LARP4: variants seen among roughly 807,000 people sequenced by gnomAD.
The protein encoded by LARP4 is la-related protein 4.
A neutral mutation model predicts 92.9 loss-of-function variants in LARP4; 29 were observed. The observed-to-expected ratio is 0.31, with a 90% CI of 0.23 to 0.43. The LOEUF (loss-of-function observed/expected upper bound fraction) is 0.43. LARP4 is among the 20% of genes least tolerant of loss of function. The pLI is 1.00. For missense variants in LARP4, 732 were observed against 860.0 expected, an observed-to-expected ratio of 0.85 and a Z score of 1.86; for synonymous variants, 279 against 284.1, an observed-to-expected ratio of 0.98 and a Z score of 0.18.
chr12:50,470,064 A>T (rs890524092), intron 13 of LARP4, among the ~76,000 whole-genome samples: 1 of 144,876 alleles, frequency 6.9e-6, no homozygotes, highest in African/African-American at 2.5e-5. Flanking sequence ...TACATAAAGT[A>T]AAAAAAAAAA....
Position 50,477,501 on chromosome 12 carries a change from G to A in LARP4, c.*1637G>A, listed in dbSNP as rs1459804918. ...AAACATCTTAGTAATATATTAAAGTGAATGTAAATGGTGGTTAAAATTACA... is the reference window on the plus strand; with the variant it reads ...AAACATCTTAGTAATATATTAAAGTAAATGTAAATGGTGGTTAAAATTACA... On this transcript the variant is annotated 3_prime_UTR_variant, in exon 16 of 16. Coordinates refer to ENST00000398473, the MANE Select transcript of LARP4 (RefSeq NM_052879.5). 6.6e-6 allele frequency: 1 copy of A among 152,520 alleles called. No individual in the cohort carries two copies. Among genetic ancestry groups the A allele is most frequent in the African/African-American group, 2.4e-5 (1 of 41,442 alleles). The allele number at this position is 152,520 out of a possible 1,614,324, so 9.4% of individuals were successfully genotyped here. A position where few individuals can be genotyped will look rare whatever the true frequency, so the allele number is the denominator to read the frequency against.
intron 1 of LARP4, among the ~76,000 whole-genome samples, chr12:50,405,035 C>A (rs1054552974): frequency 6.6e-6 from 1 of 150,488 alleles, no homozygotes; most frequent in African/African-American, 2.4e-5. Context: ...GGACTTCAGG[C>A]ATGTGCCACC....
chr12:50,452,155 T>A (rs1953325204), intron 8 of LARP4, among the ~76,000 whole-genome samples: 1 of 152,220 alleles, frequency 6.6e-6, no homozygotes, highest in East Asian at 1.9e-4. Flanking sequence ...CAGATACCCT[T>A]CAGCATACTA....
chr12:50,413,222 CAAAA>C (rs59345865), intron 1 of LARP4, among the ~76,000 whole-genome samples: 1 of 138,974 alleles, frequency 7.2e-6, no homozygotes, highest in Non-Finnish European at 1.6e-5. Context: ...GACTGTGTCT[CAAAA>C]AAAAAAAAAA....
rs1440979781 is a variant in LARP4, at chr12:50,454,387, T to C, written c.1091T>C (p.Met364Thr). Residue 364 changes from methionine (M) to threonine (T), a missense_variant, in exon 10 of 16, where the codon ATG becomes ACG. Physicochemically the swap from Met to Thr is moderately conservative, Grantham distance 81 (BLOSUM62 -1). This residue lies in a region of LARP4 where 264 missense variants were observed against 269.5 expected (regional missense o/e 0.98). Coordinates refer to ENST00000398473, the MANE Select transcript of LARP4 (RefSeq NM_052879.5). ...PGSYKTNAAA[M>T]NMGRPFQKNR... is the part of the protein sequence containing the mutation. Reference sequence around the variant, plus strand: ...TCTTATAAAACAAATGCTGCTGCTATGAATATGGGTCGACCATTCCAAAAA... The same window carrying C: ...TCTTATAAAACAAATGCTGCTGCTACGAATATGGGTCGACCATTCCAAAAA... The C allele has an allele frequency of 6.2e-7, 1 of 1,613,290 alleles. No homozygotes were observed. The highest frequency in any genetic ancestry group is 8.5e-7 in the Non-Finnish European group (1 of 1,179,810).
Position 50,474,168 on chromosome 12 carries a change from G to A in LARP4, c.1836+1G>A. 6.3e-7 allele frequency: 1 copy of A among 1,588,130 alleles called. No homozygotes were observed. The highest frequency in any genetic ancestry group is 8.5e-7 in the Non-Finnish European group (1 of 1,170,916). ...TGCAGCTACAGCTGTGGCTCTACAG[G>A]TAACTTGAAGATTTTAGTTTATGTT... On this transcript the variant is annotated splice_donor_variant, in intron 15 of 15. Transcript: ENST00000398473. LOFTEE classifies it high-confidence loss of function.
rs1270120242 is a variant in LARP4 at position 50,452,806 on chromosome 12, T to A, written c.805-654T>A. 1.3e-5 allele frequency among the ~76,000 whole-genome samples: 2 copies of A among 152,224 alleles called. 1 individual carries two copies. The highest frequency in any genetic ancestry group is 2.9e-5 in the Non-Finnish European group (2 of 68,044). Reference sequence around the variant, plus strand: ...CTGTTCATAGCATTGTTGGGCCTTTTCATGTCTGTTTTTACAATTCGTGTA... The same window carrying A: ...CTGTTCATAGCATTGTTGGGCCTTTACATGTCTGTTTTTACAATTCGTGTA... On this transcript the variant is annotated intron_variant, in intron 8 of 15. Coordinates refer to ENST00000398473, the MANE Select transcript of LARP4 (RefSeq NM_052879.5).
At chr12:50,434,876 G>C (rs929248540) in intron 4 of LARP4, among the ~76,000 whole-genome samples, 2 of 151,838 alleles carry the variant, frequency 1.3e-5, no homozygotes, top group Admixed American at 6.6e-5. Context: ...AACCCCGTCT[G>C]TACTAAAAAA....
chr12:50,448,327 C>T (rs766466235), intron 8 of LARP4, among the ~76,000 whole-genome samples: 1 of 152,090 alleles, frequency 6.6e-6, no homozygotes, highest in Non-Finnish European at 1.5e-5. Context: ...CCATCACTGC[C>T]ATCTATCTCC....
rs1166618326 is a variant in LARP4, at chr12:50,476,372, C to T, written c.*508C>T. 1 of 152,526 alleles carries T rather than the reference C, an allele frequency of 6.6e-6. No homozygotes were observed. The highest frequency in any genetic ancestry group is 6.6e-5 in the Admixed American group (1 of 15,240). The allele number at this position is 152,526 out of a possible 1,614,324, so 9.4% of individuals were successfully genotyped here. ...CTTGTATTGCAAAGCGGATCAGTGG[C>T]TGGGGTGCCTGTTGTGGGTGTGAGT... is the stretch of plus-strand genomic sequence containing the variant. On this transcript the variant is annotated 3_prime_UTR_variant, in exon 16 of 16. Transcript: ENST00000398473.
At position 50,435,577 on chromosome 12, in the gene LARP4, T is replaced by G; in HGVS notation, c.488T>G (p.Ile163Arg). Residue 163 changes from isoleucine to arginine, a missense_variant, in exon 5 of 16, where the codon ATA (isoleucine) becomes AGA (arginine). Ile to Arg is a moderately conservative substitution (Grantham distance 97). Around this residue, in one of 7 missense-constraint regions of LARP4, gnomAD observed 236 missense variants for 307.6 expected, o/e 0.77. Transcript: ENST00000398473. ...TGGACAGTTGCCAACATGGAAGAAA[T>G]AAAAAAGTTGACTACAGACCCTGAT... ...PIWTVANMEE[I>R]KKLTTDPDLI... 1 of 1,607,728 alleles carries G rather than the reference T, an allele frequency of 6.2e-7. No homozygotes were observed. Among genetic ancestry groups the G allele is most frequent in the African/African-American group, 1.3e-5 (1 of 74,934 alleles).
Position 50,475,800 on chromosome 12 carries a change from T to C in LARP4, c.2111T>C (p.Ile704Thr). ...AGACGCCAGTTTAGCCATAGGGCTA[T>C]ACCTCAGGGAGTGACTCGACGTAAT... ...EQRRQFSHRAIPQGVTRRNGK... is the reference protein window; with the variant it reads ...EQRRQFSHRATPQGVTRRNGK... Residue 704 changes from isoleucine (I) to threonine (T), a missense_variant, in exon 16 of 16, where the codon ATA becomes ACA. This residue lies in a region of LARP4 where 115 missense variants were observed against 129.1 expected (regional missense o/e 0.89). Transcript: ENST00000398473. 6.2e-7 allele frequency: 1 copy of C among 1,614,178 alleles called. No individual in the cohort carries two copies. The highest frequency in any genetic ancestry group is 1.1e-5 in the South Asian group (1 of 91,080).
chr12:50,408,187 C>T (rs1167601711), intron 1 of LARP4, among the ~76,000 whole-genome samples: 111 of 69,190 alleles, frequency 1.6e-3, no homozygotes, highest in Admixed American at 2.0e-3. Flanking sequence ...GGATTTTCTG[C>T]TTTTTTTTTT....
At chr12:50,413,908 A>G (rs930338516) in intron 1 of LARP4, among the ~76,000 whole-genome samples, 13 of 152,182 alleles carry the variant, frequency 8.5e-5, no homozygotes, top group African/African-American at 3.1e-4. Flanking sequence ...TATTTTATAG[A>G]TGAACTACAG....
At chr12:50,406,452 G>A (rs557209203) in intron 1 of LARP4, among the ~76,000 whole-genome samples, 1 of 152,194 alleles carries the variant, frequency 6.6e-6, no homozygotes, top group South Asian at 2.1e-4. Context: ...CTGCACTCCA[G>A]CCTGGATGAC....
chr12:50,462,296 A>G (rs1031174661), intron 11 of LARP4, among the ~76,000 whole-genome samples: 4 of 152,122 alleles, frequency 2.6e-5, no homozygotes, highest in Non-Finnish European at 5.9e-5. Flanking sequence ...CCTGGCCAAC[A>G]TGGTGAAACC....
intron 7 of LARP4, 88 bp downstream of exon 7, chr12:50,440,637 CTGA>C (rs1951064205): frequency 1.1e-6 from 1 of 886,856 alleles, no homozygotes; most frequent in Non-Finnish European, 1.8e-6. Context: ...TGTGTTTACA[CTGA>C]TGTTTATCAA....
rs1949485129 is a variant in LARP4 at position 50,430,503 on chromosome 12, A to C, written c.331A>C (p.Asn111His). Reference protein sequence around the residue: ...YQIYDVSGESNSAVSTEDLKE... With the variant: ...YQIYDVSGESHSAVSTEDLKE... The stretch of plus-strand genomic sequence containing the variant: ...TTCTTTTCTACCATCAGGAGAAAGC[A>C]ATTCAGCAGTTTCTACAGAAGACCT... The change falls in exon 4 of 16, where the codon AAT becomes CAT. Residue 111 changes from asparagine (N) to histidine (H), a missense_variant. Asn to His is a moderately conservative substitution (Grantham distance 68). Coordinates refer to ENST00000398473, the MANE Select transcript of LARP4 (RefSeq NM_052879.5). 1 of 1,596,552 alleles carries C rather than the reference A, an allele frequency of 6.3e-7. No homozygotes were observed. Among genetic ancestry groups the C allele is most frequent in the Admixed American group, 1.7e-5 (1 of 58,234 alleles).
intron 5 of LARP4, 87 bp downstream of exon 5, chr12:50,435,711 A>T: frequency 1.1e-6 from 1 of 934,242 alleles, no homozygotes; most frequent in Non-Finnish European, 1.6e-6. Context: ...AATTATTTTT[A>T]CTGCCCCCTC....
Sources: gnomAD v4.1 joint callset for allele counts (sites outside exome capture counted in the v4.1 genomes callset) on GRCh38, gnomAD v4.1.1 for gene constraint, gnomAD v4.1.1 regional missense constraint, MANE v1.5 for transcripts, NCBI Gene and HGNC (gene_info 2026-07-23, HGNC 2026-07-21) for gene names.